AGBL4: variants seen among roughly 807,000 people sequenced by gnomAD.
AGBL4 encodes cytosolic carboxypeptidase 6.
Under a neutral mutation model 66.4 loss-of-function variants are expected in AGBL4, and 58 were observed. The observed-to-expected ratio is 0.87, with a 90% confidence interval of 0.71 to 1.09. The LOEUF (loss-of-function observed/expected upper bound fraction) is 1.09, where lower values mean the gene tolerates loss of function less well. Among genes scored for constraint, AGBL4 ranks in the 50% least tolerant of loss-of-function variants. The probability of loss-of-function intolerance (pLI) is 0.00; values close to 1 mark genes in which losing one functional copy is unlikely to be tolerated. For synonymous variants in AGBL4, 234 were observed against 222.9 expected (o/e 1.05, Z -0.44); for missense variants, 579 against 631.0 (o/e 0.92, Z 0.88).
intron 5 of AGBL4, among the ~76,000 whole-genome samples, chr1:48,887,903 G>A (rs2148851767): frequency 6.6e-6 from 1 of 152,194 alleles, no homozygotes; most frequent in East Asian, 1.9e-4. Flanking sequence ...CTGGCACAGG[G>A]TAGATGATCA....
chr1:49,549,839 AT>A, intron 3 of AGBL4, among the ~76,000 whole-genome samples: 1 of 151,984 alleles, frequency 6.6e-6, no homozygotes, highest in Non-Finnish European at 1.5e-5. Flanking sequence ...TTCTTTGTTG[AT>A]TTTCTGCCTT....
chr1:48,752,999 C>T (rs557487638), intron 6 of AGBL4, among the ~76,000 whole-genome samples: 73 of 152,312 alleles, frequency 4.8e-4, no homozygotes, highest in African/African-American at 1.5e-3. Context: ...CCGCCTGCCT[C>T]GGCCTCCCAA....
intron 4 of AGBL4, among the ~76,000 whole-genome samples, chr1:49,097,773 G>T (rs1645132982): frequency 6.6e-6 from 1 of 152,204 alleles, no homozygotes; most frequent in African/African-American, 2.4e-5. Context: ...TAGAGACGAG[G>T]TTTCGCCATG....
At chr1:49,192,392 G>A (rs1445076228) in intron 4 of AGBL4, among the ~76,000 whole-genome samples, 1 of 152,194 alleles carries the variant, frequency 6.6e-6, no homozygotes. Context: ...TCTGCCTCCT[G>A]GGTTCAAGTG....
intron 9 of AGBL4, among the ~76,000 whole-genome samples, chr1:48,611,365 A>G (rs572729966): frequency 6.6e-6 from 1 of 152,362 alleles, no homozygotes; most frequent in Admixed American, 6.5e-5. Flanking sequence ...GCCTGAGCCA[A>G]TGCTGATCTT....
chr1:49,121,443 T>C (rs983460793), intron 4 of AGBL4, among the ~76,000 whole-genome samples: 7 of 152,166 alleles, frequency 4.6e-5, no homozygotes, highest in Admixed American at 6.5e-5. Context: ...CCTTTGTCAG[T>C]TTTCCTTCTA....
At chr1:48,800,583 G>C (rs1243357319) in intron 6 of AGBL4, among the ~76,000 whole-genome samples, 1 of 152,162 alleles carries the variant, frequency 6.6e-6, no homozygotes, top group Non-Finnish European at 1.5e-5. Flanking sequence ...TGTGTGGTTA[G>C]ATTGTCTATT....
chr1:49,389,578 A>C (rs1644805236), intron 3 of AGBL4, among the ~76,000 whole-genome samples: 1 of 152,082 alleles, frequency 6.6e-6, no homozygotes, highest in Non-Finnish European at 1.5e-5. Context: ...TCATGCCTGA[A>C]CTAAGCTGGT....
intron 3 of AGBL4, among the ~76,000 whole-genome samples, chr1:49,615,183 T>C (rs115319323): frequency 3.2e-4 from 48 of 152,166 alleles, no homozygotes; most frequent in African/African-American, 1.1e-3. Flanking sequence ...TAAACCTACA[T>C]AGAAGTTTGG....
At chr1:49,736,985 C>G (rs989676117) in intron 2 of AGBL4, among the ~76,000 whole-genome samples, 2 of 151,646 alleles carry the variant, frequency 1.3e-5, no homozygotes, top group Non-Finnish European at 2.9e-5. Flanking sequence ...ACCAGTCAGA[C>G]AATTTGACAT....
intron 3 of AGBL4, among the ~76,000 whole-genome samples, chr1:49,287,362 T>C (rs1163555052): frequency 6.8e-6 from 1 of 146,386 alleles, no homozygotes; most frequent in Non-Finnish European, 1.5e-5. Context: ...AATTGACAAA[T>C]GGGATCTAAT....
chr1:48,617,820 C>T (rs912771521), intron 9 of AGBL4, among the ~76,000 whole-genome samples: 6 of 152,190 alleles, frequency 3.9e-5, no homozygotes, highest in African/African-American at 1.2e-4. Context: ...ACCCTTCATT[C>T]CCTCAGAGAC....
At chr1:49,935,180 T>C (rs928753959) in intron 1 of AGBL4, among the ~76,000 whole-genome samples, 1 of 152,344 alleles carries the variant, frequency 6.6e-6, no homozygotes, top group Admixed American at 6.5e-5. Context: ...CAGGAGATTA[T>C]ATCCCGCACA....
intron 9 of AGBL4, among the ~76,000 whole-genome samples, chr1:48,602,009 A>T (rs889487873): frequency 6.6e-6 from 1 of 152,210 alleles, no homozygotes; most frequent in Non-Finnish European, 1.5e-5. Flanking sequence ...TTTTAATTTG[A>T]TAATTAAAAG....
At chr1:48,553,971 T>C (rs945288334) in intron 11 of AGBL4, among the ~76,000 whole-genome samples, 2 of 152,202 alleles carry the variant, frequency 1.3e-5, no homozygotes, top group African/African-American at 4.8e-5. Context: ...CAAAGAGTCC[T>C]GTGGCCCAAG....
intron 2 of AGBL4, among the ~76,000 whole-genome samples, chr1:49,786,810 C>G (rs1289906337): frequency 1.3e-5 from 2 of 152,168 alleles, no homozygotes; most frequent in African/African-American, 4.8e-5. Context: ...GGCAGTGTTT[C>G]CAACATTCTG....
downstream of AGBL4, among the ~76,000 whole-genome samples, chr1:48,532,225 C>T (rs1643910206): frequency 6.6e-6 from 1 of 152,190 alleles, no homozygotes; most frequent in South Asian, 2.1e-4. Context: ...TTTTTGCCTA[C>T]ATTTTCCACA....
chr1:48,542,644 G>A (rs1202131743), intron 11 of AGBL4, among the ~76,000 whole-genome samples: 1 of 152,036 alleles, frequency 6.6e-6, no homozygotes, highest in African/African-American at 2.4e-5. Context: ...TTTCTTCTTT[G>A]GAGAAGTGTC....
intron 7 of AGBL4, among the ~76,000 whole-genome samples, chr1:48,658,795 G>A (rs1646060369): frequency 6.6e-6 from 1 of 152,078 alleles, no homozygotes; most frequent in African/African-American, 2.4e-5. Context: ...AGCTGTGCTT[G>A]GTCCCGGTGC....
Sources: allele counts gnomAD v4.1 joint callset (sites outside exome capture counted in the v4.1 genomes callset), GRCh38; gene constraint gnomAD v4.1.1; transcripts MANE v1.5; gene names NCBI Gene and HGNC (gene_info 2026-07-23, HGNC 2026-07-21).